Variants in DOCK8 observed in about 807,000 individuals in gnomAD.
DOCK8 encodes the protein dedicator of cytokinesis protein 8.
DOCK8 carries 141 observed loss-of-function variants against 245.6 expected under a neutral mutation model. The observed-to-expected ratio is 0.57, with a 90% confidence interval of 0.50 to 0.66. The LOEUF is 0.66. DOCK8 is among the 30% of genes least tolerant of loss of function. The pLI, the probability that DOCK8 is intolerant of heterozygous loss-of-function variation, is 0.00. For synonymous variants in DOCK8, 1,168 were observed against 970.2 expected, an observed-to-expected ratio of 1.20 and a Z score of -3.79; for missense variants, 2,965 against 2,603.4, an observed-to-expected ratio of 1.14 and a Z score of -3.02.
intron 33 of DOCK8, among the ~76,000 whole-genome samples, chr9:423,643 T>G (rs935443533): frequency 6.6e-6 from 1 of 152,254 alleles, no homozygotes; most frequent in Non-Finnish European, 1.5e-5. Flanking sequence ...TAGATGTGAC[T>G]TGGAAACCCA....
At position 254,982 on chromosome 9, in the gene DOCK8, G is replaced by A. The variant is rs28541337; in HGVS notation, c.54-16645G>A. ...CTTTAGCAGATTCTTATTTTTGTATGCTAAAGTTTGAGGGTCACCACTGGA... is the reference window on the plus strand; with the variant it reads ...CTTTAGCAGATTCTTATTTTTGTATACTAAAGTTTGAGGGTCACCACTGGA... On this transcript the variant is annotated intron_variant, in intron 1 of 47. Coordinates refer to ENST00000432829, the MANE Select transcript of DOCK8 (RefSeq NM_203447.4). Among the ~76,000 whole-genome samples, 971 of 152,238 alleles carry A rather than the reference G, an allele frequency of 6.4e-3. 5 individuals carry two copies. Among genetic ancestry groups the A allele is most frequent in the African/African-American group, 0.022 (906 of 41,526 alleles).
chr9:410,060 G>T (rs1346919924), intron 28 of DOCK8, among the ~76,000 whole-genome samples: 2 of 152,122 alleles, frequency 1.3e-5, no homozygotes, highest in African/African-American at 2.4e-5. Flanking sequence ...ATTGCGGCAA[G>T]ATGTATATTT....
chr9:280,573 G>T (rs2130157935), intron 2 of DOCK8, among the ~76,000 whole-genome samples: 1 of 152,314 alleles, frequency 6.6e-6, no homozygotes, highest in East Asian at 1.9e-4. Flanking sequence ...AGTCTGAACT[G>T]CCAGAGAGCC....
In DOCK8 at chr9:399,267, T is replaced by TGGCCGG; in HGVS notation, c.3234+8_3234+9insGGCCGG. The stretch of plus-strand genomic sequence containing the variant: ...AGACATTATTGCAGCCAGGTGAGTG[T>TGGCCGG]CCCCCCCACCCCCACCCCCGAGCGA... On this transcript the variant is annotated intron_variant, in intron 26 of 47. Transcript: ENST00000432829. The TGGCCGG allele has an allele frequency of 6.5e-7, 1 of 1,534,486 alleles. No homozygotes were observed. Among genetic ancestry groups the TGGCCGG allele is most frequent in the Non-Finnish European group, 8.6e-7 (1 of 1,156,104 alleles).
At chr9:402,294 T>C (rs1229470032) in intron 26 of DOCK8, among the ~76,000 whole-genome samples, 1 of 152,214 alleles carries the variant, frequency 6.6e-6, no homozygotes, top group South Asian at 2.1e-4. Context: ...TTTCTCTCCT[T>C]GACTCAAATG....
intron 15 of DOCK8, 39 bp downstream of exon 15, chr9:368,174 G>A: frequency 2.0e-6 from 3 of 1,513,358 alleles, no homozygotes; most frequent in Non-Finnish European, 2.8e-6. Context: ...AATCAGGGTG[G>A]GCTGCTCACC....
chr9:218,446 A>G (rs1298556452), intron 1 of DOCK8, among the ~76,000 whole-genome samples: 1 of 152,122 alleles, frequency 6.6e-6, no homozygotes, highest in Admixed American at 6.5e-5. Flanking sequence ...CTTCATTTCC[A>G]TTTTTTTGTT....
chr9:248,286 A>T (rs2047555900), intron 1 of DOCK8, among the ~76,000 whole-genome samples: 1 of 152,218 alleles, frequency 6.6e-6, no homozygotes. Flanking sequence ...ACAGATTAAC[A>T]TCACCTTTAA....
At chr9:343,081 T>A (rs2051690608) in intron 14 of DOCK8, among the ~76,000 whole-genome samples, 1 of 152,214 alleles carries the variant, frequency 6.6e-6, no homozygotes, top group African/African-American at 2.4e-5. Flanking sequence ...CAGTATGACG[T>A]ATGTGGGACT....
chr9:373,059 C>T (rs138814590), intron 18 of DOCK8, among the ~76,000 whole-genome samples: 19,080 of 151,934 alleles, frequency 0.13, 2,791 homozygotes, highest in African/African-American at 0.36. Context: ...CCCAGCTACT[C>T]GGGAGGCTGA....
At chr9:214,540 C>A (rs765968934), upstream of DOCK8, 19 of 1,613,628 alleles carry the variant, frequency 1.2e-5, no homozygotes, top group Middle Eastern at 9.9e-4. Flanking sequence ...CCCGACCTCG[C>A]CAGCTTTGTG....
At position 312,186 on chromosome 9, in the gene DOCK8, T is replaced by C. The variant is rs2130699916; in HGVS notation, c.741+20T>C. Reference sequence around the variant, plus strand: ...GACGAGGTGGGTGCCACTGTTTCCATACTGGAGAATCTCAGTGAAGACTCT... The same window carrying C: ...GACGAGGTGGGTGCCACTGTTTCCACACTGGAGAATCTCAGTGAAGACTCT... On this transcript the variant is annotated intron_variant, in intron 6 of 47. Coordinates refer to ENST00000432829, the MANE Select transcript of DOCK8 (RefSeq NM_203447.4). 1 of 1,613,160 alleles carries C rather than the reference T, an allele frequency of 6.2e-7. No individual in the cohort carries two copies. The highest frequency in any genetic ancestry group is 1.1e-5 in the South Asian group (1 of 91,006).
At chr9:327,117 T>C (rs1374891104) in intron 8 of DOCK8, among the ~76,000 whole-genome samples, 1 of 152,202 alleles carries the variant, frequency 6.6e-6, no homozygotes, top group Non-Finnish European at 1.5e-5. Context: ...AGAGTCAAGC[T>C]AGACCGCTGA....
At chr9:450,206 G>C (rs906542385) in intron 45 of DOCK8, among the ~76,000 whole-genome samples, 3 of 152,178 alleles carry the variant, frequency 2.0e-5, no homozygotes, top group Admixed American at 6.5e-5. Flanking sequence ...TTCGGGGCCA[G>C]ACCTGACAAT....
chr9:328,941 C>CTTTTTTTTT (rs1165346763), intron 9 of DOCK8, among the ~76,000 whole-genome samples: 3 of 71,348 alleles, frequency 4.2e-5, no homozygotes, highest in African/African-American at 5.7e-5. Context: ...CTTATTGATT[C>CTTTTTTTTT]TTTTTTTTTT....
intron 14 of DOCK8, among the ~76,000 whole-genome samples, chr9:349,528 A>G (rs1052837213): frequency 1.3e-5 from 2 of 152,228 alleles, no homozygotes; most frequent in African/African-American, 2.4e-5. Context: ...CAAATCTCAA[A>G]GCCTATTTCT....
intron 4 of DOCK8, among the ~76,000 whole-genome samples, 156 bp from the exon 5 acceptor site, chr9:304,425 G>C (rs973694495): frequency 7.9e-5 from 12 of 152,166 alleles, no homozygotes; most frequent in African/African-American, 2.9e-4. Context: ...ATTAGGCCTG[G>C]AGAATAATTA....
At chr9:420,791 T>C (rs1307626798) in intron 31 of DOCK8, among the ~76,000 whole-genome samples, 158 bp from the exon 32 acceptor site, 1 of 152,238 alleles carries the variant, frequency 6.6e-6, no homozygotes, top group East Asian at 1.9e-4. Context: ...CCATTTCTGT[T>C]GACAGAGTTT....
chr9:231,221 G>T (rs1188024246), intron 1 of DOCK8, among the ~76,000 whole-genome samples: 1 of 152,074 alleles, frequency 6.6e-6, no homozygotes, highest in Non-Finnish European at 1.5e-5. Flanking sequence ...TAGATATGTG[G>T]CATTATTTCT....
Sources: gnomAD v4.1 joint callset for allele counts (sites outside exome capture counted in the v4.1 genomes callset) on GRCh38, gnomAD v4.1.1 for gene constraint, MANE v1.5 for transcripts, NCBI Gene and HGNC (gene_info 2026-07-23, HGNC 2026-07-21) for gene names.